Variants in TBC1D1 observed in about 807,000 individuals in gnomAD.
The protein encoded by TBC1D1 is TBC1 (tre-2/USP6, BUB2, cdc16) domain family, member 1.
A neutral mutation model predicts 125.6 loss-of-function variants in TBC1D1; 89 were observed. The ratio of observed to expected loss-of-function variants is 0.71; its 90% CI spans 0.60 to 0.85. TBC1D1 has a LOEUF of 0.85. Ranked by LOEUF, TBC1D1 falls within the 40% of genes least tolerant of loss-of-function variation. The pLI is 0.00. For synonymous variants in TBC1D1, 565 were observed against 564.1 expected (o/e 1.00, Z -0.02); for missense variants, 1,377 against 1,469.2 (o/e 0.94, Z 1.03).
chr4:38,039,139 A>G (rs1378823790), intron 8 of TBC1D1, among the ~76,000 whole-genome samples: 1 of 46,954 alleles, frequency 2.1e-5, no homozygotes. Context: ...TTTTTTTGAG[A>G]CAGAGTCTCA....
intron 2 of TBC1D1, among the ~76,000 whole-genome samples, chr4:37,917,943 G>A (rs542434862): frequency 3.9e-5 from 6 of 152,150 alleles, no homozygotes; most frequent in East Asian, 1.9e-4. Flanking sequence ...AAAAATAGAC[G>A]AAGCTATTTT....
At chr4:37,990,499 C>G (rs1163222804) in intron 2 of TBC1D1, among the ~76,000 whole-genome samples, 1 of 152,116 alleles carries the variant, frequency 6.6e-6, no homozygotes, top group African/African-American at 2.4e-5. Context: ...GAGTTTGTGG[C>G]CCCTTGTGTA....
At chr4:38,034,328 T>A (rs1431913474) in intron 7 of TBC1D1, among the ~76,000 whole-genome samples, 1 of 152,254 alleles carries the variant, frequency 6.6e-6, no homozygotes, top group Non-Finnish European at 1.5e-5. Context: ...GAGTCCAGGT[T>A]GAGAGTGTCT....
intron 12 of TBC1D1, among the ~76,000 whole-genome samples, chr4:38,066,955 C>T (rs939943892): frequency 6.6e-6 from 1 of 152,014 alleles, no homozygotes; most frequent in Non-Finnish European, 1.5e-5. Flanking sequence ...TGGCTCACTG[C>T]AACCTCCGCC....
Position 38,089,956 on chromosome 4 carries a change from C to CTTTAGA in TBC1D1, c.2075_2076insTTTAGA (p.Pro692_Pro693insLeuAsp). 2 of 1,594,140 alleles carry CTTTAGA rather than the reference C, an allele frequency of 1.3e-6. No homozygotes were observed. The highest frequency in any genetic ancestry group is 1.4e-5 in the African/African-American group (1 of 73,688). ...GATTATTCAGAGCTGGGAGAGCTTC[C>CTTTAGA]CCCACGATCTCCTTTAGAACCAGTT... On this transcript the variant is annotated inframe_insertion, in exon 13 of 20. Transcript: ENST00000261439.
At chr4:37,994,714 G>C (rs144112292) in intron 2 of TBC1D1, among the ~76,000 whole-genome samples, 1 of 152,140 alleles carries the variant, frequency 6.6e-6, no homozygotes, top group African/African-American at 2.4e-5. Flanking sequence ...GAAACTTGCC[G>C]TGTGACCTGA....
At chr4:37,964,310 C>T (rs1161605439) in intron 2 of TBC1D1, among the ~76,000 whole-genome samples, 2 of 152,192 alleles carry the variant, frequency 1.3e-5, no homozygotes, top group Non-Finnish European at 2.9e-5. Context: ...TCAGTGCATG[C>T]ACCACAGTCT....
At position 37,921,600 on chromosome 4, in the gene TBC1D1, A is replaced by G. The variant is rs182111751; in HGVS notation, c.417+19088A>G. Among the ~76,000 whole-genome samples, 37 of 150,732 alleles carry G rather than the reference A, an allele frequency of 2.5e-4. 1 individual carries two copies. Among genetic ancestry groups the G allele is most frequent in the South Asian group, 1.7e-3 (8 of 4,758 alleles). ...TTTTGTATTTTTTTTTTTAGTTGAG[A>G]TGGGGTTTCACCATGTTGACCAGAA... On this transcript the variant is annotated intron_variant, in intron 2 of 19. Transcript: ENST00000261439.
chr4:38,022,850 T>A (rs1166824671), intron 6 of TBC1D1, among the ~76,000 whole-genome samples: 1 of 152,186 alleles, frequency 6.6e-6, no homozygotes, highest in Non-Finnish European at 1.5e-5. Context: ...TTTCTAAAAA[T>A]TTTTTTGTGA....
chr4:38,084,438 A>G (rs1231750726), intron 12 of TBC1D1, among the ~76,000 whole-genome samples: 1 of 152,256 alleles, frequency 6.6e-6, no homozygotes, highest in Non-Finnish European at 1.5e-5. Context: ...GGCATGGGAT[A>G]TGGCAGGGAA....
At chr4:37,900,141 A>G (rs1188670984) in intron 1 of TBC1D1, among the ~76,000 whole-genome samples, 1 of 152,028 alleles carries the variant, frequency 6.6e-6, no homozygotes, top group African/African-American at 2.4e-5. Context: ...GAAAAAAAAA[A>G]AAAAGTAAGG....
chr4:37,958,359 T>C (rs934613162), intron 2 of TBC1D1, among the ~76,000 whole-genome samples: 5 of 152,220 alleles, frequency 3.3e-5, no homozygotes, highest in Admixed American at 6.5e-5. Context: ...AGATGATTCT[T>C]CATATTTTTT....
chr4:38,050,599 GAC>G (rs940678626), intron 11 of TBC1D1, among the ~76,000 whole-genome samples: 1 of 152,116 alleles, frequency 6.6e-6, no homozygotes, highest in Non-Finnish European at 1.5e-5. Flanking sequence ...ACTATAAATG[GAC>G]ACAGTTATCT....
intron 2 of TBC1D1, among the ~76,000 whole-genome samples, chr4:37,920,870 G>T (rs557372188): frequency 6.6e-6 from 1 of 152,238 alleles, no homozygotes; most frequent in South Asian, 2.1e-4. Flanking sequence ...CAGCACTTTG[G>T]GAGGCCGAGG....
intron 2 of TBC1D1, among the ~76,000 whole-genome samples, chr4:37,955,270 A>G (rs913707194): frequency 6.6e-6 from 1 of 152,210 alleles, no homozygotes; most frequent in Non-Finnish European, 1.5e-5. Flanking sequence ...AAGGTAGCGC[A>G]GACTTAATGA....
intron 7 of TBC1D1, among the ~76,000 whole-genome samples, chr4:38,032,544 T>C (rs1025333552): frequency 6.6e-6 from 1 of 152,012 alleles, no homozygotes; most frequent in Non-Finnish European, 1.5e-5. Context: ...CTTTAAGAAA[T>C]AATGATTTGG....
chr4:38,003,167 G>A (rs925773690), intron 2 of TBC1D1, among the ~76,000 whole-genome samples: 4 of 152,156 alleles, frequency 2.6e-5, no homozygotes, highest in African/African-American at 9.7e-5. Flanking sequence ...TGTATGAATT[G>A]TGAATAAAAT....
At chr4:37,923,480 T>G (rs764831431) in intron 2 of TBC1D1, among the ~76,000 whole-genome samples, 11 of 152,178 alleles carry the variant, frequency 7.2e-5, no homozygotes, top group Non-Finnish European at 1.3e-4. Context: ...GTAATGGGAT[T>G]GCTGGGTCAA....
chr4:37,979,364 C>A (rs1733891918), intron 2 of TBC1D1, among the ~76,000 whole-genome samples: 1 of 152,092 alleles, frequency 6.6e-6, no homozygotes, highest in Non-Finnish European at 1.5e-5. Flanking sequence ...AACGTGTTAT[C>A]CTGTGAAAGA....
Sources: gnomAD v4.1 joint callset for allele counts (sites outside exome capture counted in the v4.1 genomes callset) on GRCh38, gnomAD v4.1.1 for gene constraint, MANE v1.5 for transcripts, NCBI Gene and HGNC (gene_info 2026-07-23, HGNC 2026-07-21) for gene names.